FHOD3: variants seen among roughly 807,000 people sequenced by gnomAD.
FHOD3 encodes FH1/FH2 domain-containing protein 3.
A neutral mutation model predicts 173.0 loss-of-function variants in FHOD3; 90 were observed. That is an observed-to-expected ratio of 0.52 (90% confidence interval 0.44 to 0.62). The LOEUF is 0.62. FHOD3 is among the 20% of genes least tolerant of loss of function. The pLI is 0.00. For missense variants in FHOD3, 1,945 were observed against 2,034.7 expected (o/e 0.96, Z 0.85); for synonymous variants, 828 against 823.0 (o/e 1.01, Z -0.10).
At chr18:36,518,289 G>C (rs1243956248) in intron 5 of FHOD3, among the ~76,000 whole-genome samples, 2 of 152,124 alleles carry the variant, frequency 1.3e-5, no homozygotes, top group Non-Finnish European at 2.9e-5. Context: ...CATGACACTG[G>C]TCCTGTGTCC....
rs78873798 is a variant in FHOD3, at chr18:36,371,027, T to A, written c.273-1653T>A. 3.3e-3 allele frequency among the ~76,000 whole-genome samples: 500 copies of A among 152,374 alleles called. 4 individuals carry two copies. Among genetic ancestry groups the A allele is most frequent in the African/African-American group, 0.011 (478 of 41,592 alleles). On this transcript the variant is annotated intron_variant, in intron 2 of 28. Coordinates refer to ENST00000590592, the MANE Select transcript of FHOD3 (RefSeq NM_001281740.3). ...TGGAGAATATGTTTTTGTGGAAATC[T>A]GTGTTCACAGGAATCTTGAACTTCT...
rs181034055 is a variant in FHOD3, at chr18:36,779,649, G to T, written c.*119G>T. On this transcript the variant is annotated 3_prime_UTR_variant, in exon 29 of 29. Transcript: ENST00000590592. ...ACATCCAACAGTTTGAAAAGGGAGA[G>T]CTCAATTCCCAGCGTCACCCCATGG... 4.6e-6 allele frequency: 4 copies of T among 862,142 alleles called. No homozygotes were observed. The East Asian group carries it at 1.1e-4, about 23-fold the overall frequency. The allele number at this position is 862,142 out of a possible 1,614,324, so 53.4% of individuals were successfully genotyped here.
chr18:36,649,177 T>G, intron 10 of FHOD3, 139 bp from the exon 11 acceptor site: 2 of 557,382 alleles, frequency 3.6e-6, no homozygotes, highest in Non-Finnish European at 6.0e-6. Flanking sequence ...GCCAGCTGGG[T>G]GGTTTTTTTT....
chr18:36,546,576 A>C (rs1408872636), intron 5 of FHOD3, among the ~76,000 whole-genome samples: 2 of 152,188 alleles, frequency 1.3e-5, no homozygotes, highest in African/African-American at 4.8e-5. Context: ...CTTGTTCCGT[A>C]TCCAGCACCA....
intron 19 of FHOD3, among the ~76,000 whole-genome samples, chr18:36,720,985 G>T (rs909232553): frequency 6.6e-6 from 1 of 152,088 alleles, no homozygotes; most frequent in Admixed American, 6.6e-5. Context: ...CCTCGAGAAG[G>T]CCCAAAATTA....
intron 13 of FHOD3, among the ~76,000 whole-genome samples, chr18:36,656,747 C>T (rs544083763): frequency 1.3e-5 from 2 of 152,112 alleles, no homozygotes; most frequent in South Asian, 2.1e-4. Context: ...TATCATTTTT[C>T]GTGTTGTCAC....
intron 24 of FHOD3, among the ~76,000 whole-genome samples, chr18:36,753,438 A>T (rs1256087892): frequency 6.6e-6 from 1 of 152,216 alleles, no homozygotes; most frequent in African/African-American, 2.4e-5. Context: ...CATTATATCC[A>T]TCCAATGCTA....
intron 3 of FHOD3, among the ~76,000 whole-genome samples, chr18:36,479,975 C>T (rs2053791345): frequency 6.6e-6 from 1 of 152,148 alleles, no homozygotes; most frequent in South Asian, 2.1e-4. Context: ...ACTGGCCACC[C>T]AGAACTAGGC....
intron 5 of FHOD3, among the ~76,000 whole-genome samples, chr18:36,554,979 A>C (rs945799045): frequency 1.3e-5 from 2 of 152,094 alleles, no homozygotes; most frequent in African/African-American, 4.8e-5. Flanking sequence ...GATATATATC[A>C]ATTTCATCTG....
intron 4 of FHOD3, among the ~76,000 whole-genome samples, chr18:36,511,086 T>C (rs2055613108): frequency 6.6e-6 from 1 of 152,262 alleles, no homozygotes; most frequent in Non-Finnish European, 1.5e-5. Flanking sequence ...TAAGCCATGG[T>C]TGCTGACTTT....
chr18:36,319,000 G>T (rs1244087198), intron 1 of FHOD3, among the ~76,000 whole-genome samples: 6 of 152,146 alleles, frequency 3.9e-5, no homozygotes, highest in Non-Finnish European at 7.3e-5. Flanking sequence ...TTTGTTGTTG[G>T]TTCTGTTTAT....
At chr18:36,768,835 C>T (rs1383719248) in intron 27 of FHOD3, among the ~76,000 whole-genome samples, 1 of 152,086 alleles carries the variant, frequency 6.6e-6, no homozygotes, top group East Asian at 1.9e-4. Flanking sequence ...CCCAGTAAGA[C>T]CCTCAGTGAG....
intron 28 of FHOD3, among the ~76,000 whole-genome samples, chr18:36,773,921 T>C (rs1222014164): frequency 6.6e-6 from 1 of 152,188 alleles, no homozygotes; most frequent in African/African-American, 2.4e-5. Flanking sequence ...ATTGTTGAGA[T>C]AACCTAGGCA....
chr18:36,504,746 A>G (rs1359345143), intron 4 of FHOD3, among the ~76,000 whole-genome samples: 18 of 150,206 alleles, frequency 1.2e-4, no homozygotes, highest in African/African-American at 3.9e-4. Flanking sequence ...AGTAATAATA[A>G]TAAAAGTAAA....
intron 3 of FHOD3, among the ~76,000 whole-genome samples, chr18:36,493,053 C>G (rs2054546804): frequency 6.6e-6 from 1 of 152,134 alleles, no homozygotes; most frequent in Admixed American, 6.5e-5. Context: ...ACCTCTCTGC[C>G]TACATTTCTT....
intron 13 of FHOD3, among the ~76,000 whole-genome samples, chr18:36,653,978 A>G (rs2036240240): frequency 6.6e-6 from 1 of 152,200 alleles, no homozygotes; most frequent in Non-Finnish European, 1.5e-5. Flanking sequence ...TCACTCAGCT[A>G]GTATGTTGCG....
chr18:36,311,898 C>T (rs1293522647), intron 1 of FHOD3, among the ~76,000 whole-genome samples: 1 of 152,184 alleles, frequency 6.6e-6, no homozygotes, highest in Non-Finnish European at 1.5e-5. Flanking sequence ...CCTCTCCTTC[C>T]CTCTGAGATC....
chr18:36,512,672 T>G (rs10153411), intron 5 of FHOD3, 129 bp downstream of exon 5: 2 of 658,092 alleles, frequency 3.0e-6, no homozygotes, highest in East Asian at 2.7e-5. Flanking sequence ...AAGACACCCT[T>G]TGGCAAAAAA....
chr18:36,743,988 A>G (rs2042030992), intron 22 of FHOD3, 44 bp from the exon 23 acceptor site: 2 of 1,610,342 alleles, frequency 1.2e-6, no homozygotes, highest in Non-Finnish European at 1.7e-6. Context: ...CTATTCTCTA[A>G]GAGCCTGCTT....
Sources: gnomAD v4.1 joint callset for allele counts (sites outside exome capture counted in the v4.1 genomes callset) on GRCh38, gnomAD v4.1.1 for gene constraint, MANE v1.5 for transcripts, NCBI Gene and HGNC (gene_info 2026-07-23, HGNC 2026-07-21) for gene names.